The following CCNH variants were observed in gnomAD, a reference collection of about 807,000 sequenced individuals.
CCNH encodes the protein cyclin-H.
In CCNH, 31 loss-of-function variants were observed where a neutral mutation model predicts 41.9. The ratio of observed to expected loss-of-function variants is 0.74; its 90% CI spans 0.56 to 1.00. The LOEUF is 1.00. Among genes scored for constraint, CCNH ranks in the 50% least tolerant of loss-of-function variants. The pLI is 0.00. For missense variants in CCNH, 362 were observed against 388.4 expected, an observed-to-expected ratio of 0.93 and a Z score of 0.57; for synonymous variants, 138 against 136.1, an observed-to-expected ratio of 1.01 and a Z score of -0.10.
upstream of CCNH, chr5:87,380,680 A>G (rs1280329778): frequency 9.6e-6 from 12 of 1,253,732 alleles, no homozygotes; most frequent in East Asian, 4.7e-5. Context: ...ATACAATTCA[A>G]TGCTTTTTTC....
At chr5:87,370,755 CGAA>C (rs1760875705) in intron 9 of CCNH, among the ~76,000 whole-genome samples, 1 of 152,074 alleles carries the variant, frequency 6.6e-6, no homozygotes, top group African/African-American at 2.4e-5. Context: ...TATATTCTAA[CGAA>C]GGAACTTAAA....
In CCNH at chr5:87,338,544, T is replaced by TTC. The variant is rs1554045576; in HGVS notation, c.*91-19648_*91-19647insGA. 4.3e-4 allele frequency among the ~76,000 whole-genome samples: 59 copies of TTC among 137,910 alleles called. 4 individuals carry two copies. In the East Asian group the frequency reaches 8.1e-3, roughly 19 times the overall value. The allele number at this position is 137,910 out of a possible 152,430, so 90.5% of individuals were successfully genotyped here. ...ATATATATATATATAAAATTTTTTT[T>TTC]TTTTTTAAGTAGAAATGGGGTTTTA... is the stretch of plus-strand genomic sequence containing the variant. On this transcript the variant is annotated intron_variant and NMD_transcript_variant, in intron 9 of 9. Transcript: ENST00000645953.
chr5:87,341,844 C>G (rs1758492708), intron 9 of CCNH, among the ~76,000 whole-genome samples: 1 of 152,100 alleles, frequency 6.6e-6, no homozygotes. Context: ...CTCCTAATAT[C>G]TTTTCAGTAC....
intron 9 of CCNH, among the ~76,000 whole-genome samples, chr5:87,343,293 A>G (rs766624250): frequency 2.0e-5 from 3 of 152,150 alleles, no homozygotes; most frequent in Non-Finnish European, 4.4e-5. Context: ...TTAAATAACT[A>G]CATTCTAGTT....
intron 9 of CCNH, among the ~76,000 whole-genome samples, chr5:87,344,224 G>C (rs1758681853): frequency 6.6e-6 from 1 of 152,104 alleles, no homozygotes; most frequent in African/African-American, 2.4e-5. Context: ...ATATGTGCTT[G>C]AGGTGATGGA....
downstream of CCNH, among the ~76,000 whole-genome samples, chr5:87,375,459 G>A (rs1580383834): frequency 6.6e-6 from 1 of 151,978 alleles, no homozygotes; most frequent in Non-Finnish European, 1.5e-5. Context: ...CGGGGTTTCA[G>A]CATGTTGGCC....
chr5:87,378,018 T>C (rs1362711846), upstream of CCNH, among the ~76,000 whole-genome samples: 2 of 152,228 alleles, frequency 1.3e-5, no homozygotes, highest in East Asian at 3.8e-4. Context: ...TGTTATATCC[T>C]TAATTGTAAA....
chr5:87,323,389 G>T (rs928421726), intron 9 of CCNH, among the ~76,000 whole-genome samples: 1 of 152,106 alleles, frequency 6.6e-6, no homozygotes, highest in African/African-American at 2.4e-5. Flanking sequence ...AGAAAAATGG[G>T]CATATTGTGG....
chr5:87,341,623 A>G (rs527770160), intron 9 of CCNH, among the ~76,000 whole-genome samples: 80 of 152,276 alleles, frequency 5.3e-4, no homozygotes, highest in Middle Eastern at 3.4e-3. Flanking sequence ...AATTATTCAT[A>G]GTATTTCTTG....
In CCNH at chr5:87,349,197, C is replaced by T. The variant is rs200562377; in HGVS notation, c.*91-30300G>A. On this transcript the variant is annotated intron_variant and NMD_transcript_variant, in intron 9 of 9. Transcript: ENST00000645953. The stretch of plus-strand genomic sequence containing the variant: ...TATTTGATAATTAGGGAAAAACTAA[C>T]AGCTTAATTCTTACAGTTGGTCAAG... 161 of 1,610,172 alleles carry T rather than the reference C, an allele frequency of 1.0e-4. No homozygotes were observed. In the African/African-American group the frequency reaches 1.9e-3, roughly 19 times the overall value.
downstream of CCNH, chr5:87,391,740 T>TTTGA (rs540316274): frequency 1.7e-5 from 4 of 232,380 alleles, no homozygotes; most frequent in Non-Finnish European, 3.4e-5. Context: ...GTGCTACCCC[T>TTTGA]TTGATTATGC....
chr5:87,400,905 TTC>T (rs1763356141), intron 6 of CCNH, among the ~76,000 whole-genome samples: 1 of 152,154 alleles, frequency 6.6e-6, no homozygotes, highest in Non-Finnish European at 1.5e-5. Context: ...AAAGTAGAGA[TTC>T]TACTCAACTC....
chr5:87,312,311 T>C, the CCNH span, among the ~76,000 whole-genome samples: 1 of 152,138 alleles, frequency 6.6e-6, no homozygotes, highest in African/African-American at 2.4e-5. Context: ...TGTCTTCTGT[T>C]AAGTTAGATA....
intron 9 of CCNH, among the ~76,000 whole-genome samples, chr5:87,320,856 G>T (rs768140128): frequency 1.3e-5 from 2 of 152,232 alleles, no homozygotes; most frequent in African/African-American, 4.8e-5. Flanking sequence ...ATTGTGAAAA[G>T]ACAAGGTGAA....
chr5:87,396,549 C>T (rs965001292), intron 7 of CCNH, among the ~76,000 whole-genome samples: 18 of 152,074 alleles, frequency 1.2e-4, no homozygotes, highest in African/African-American at 3.6e-4. Flanking sequence ...TGCTTGAACC[C>T]GGGAGGCAGA....
downstream of CCNH, chr5:87,374,909 T>G: frequency 6.2e-7 from 1 of 1,606,978 alleles, no homozygotes; most frequent in Non-Finnish European, 8.5e-7. Flanking sequence ...GCAAAGATCC[T>G]GATATCTGTA....
intron 9 of CCNH, among the ~76,000 whole-genome samples, chr5:87,360,532 T>G (rs1048286692): frequency 5.3e-5 from 8 of 152,246 alleles, no homozygotes; most frequent in African/African-American, 1.9e-4. Context: ...CATTGATGTT[T>G]ATAAGAGTGA....
At chr5:87,383,656 AAC>A (rs1761878512) in intron 9 of CCNH, 4 of 1,305,768 alleles carry the variant, frequency 3.1e-6, no homozygotes, top group Non-Finnish European at 4.3e-6. Flanking sequence ...GTTTTAATGT[AAC>A]ACATTATATA....
chr5:87,401,142 C>G (rs925192536), intron 6 of CCNH, among the ~76,000 whole-genome samples: 8 of 152,236 alleles, frequency 5.3e-5, no homozygotes, highest in African/African-American at 1.9e-4. Context: ...AAGGGCCATA[C>G]TCTCTCTGGA....
Sources: allele counts gnomAD v4.1 joint callset (sites outside exome capture counted in the v4.1 genomes callset), GRCh38; gene constraint gnomAD v4.1.1; transcripts MANE v1.5; gene names NCBI Gene and HGNC (gene_info 2026-07-23, HGNC 2026-07-21).